The following AGMO variants were observed in gnomAD, a reference collection of about 807,000 sequenced individuals.
AGMO encodes the protein glyceryl-ether monooxygenase.
A neutral mutation model predicts 60.2 loss-of-function variants in AGMO; 75 were observed. The observed-to-expected ratio is 1.25, with a 90% confidence interval of 1.03 to 1.51. The LOEUF is 1.51. Among genes scored for constraint, AGMO ranks in the 40% most tolerant of loss-of-function variants. The pLI is 0.00. For synonymous variants in AGMO, 261 were observed against 177.1 expected, an observed-to-expected ratio of 1.47 and a Z score of -3.76; for missense variants, 763 against 525.5, an observed-to-expected ratio of 1.45 and a Z score of -4.42.
the AGMO span, among the ~76,000 whole-genome samples, chr7:15,156,672 C>A: frequency 2.0e-5 from 3 of 152,212 alleles, no homozygotes; most frequent in African/African-American, 7.2e-5. Context: ...AGGAACAAGT[C>A]TTCATGCTCG....
At chr7:15,380,988 G>A (rs1441348834) in intron 10 of AGMO, among the ~76,000 whole-genome samples, 1 of 152,072 alleles carries the variant, frequency 6.6e-6, no homozygotes, top group Non-Finnish European at 1.5e-5. Context: ...ATATGCAGAA[G>A]ATTCAAACTG....
intron 5 of AGMO, among the ~76,000 whole-genome samples, chr7:15,409,629 C>A (rs1784788182): frequency 6.6e-6 from 1 of 151,872 alleles, no homozygotes; most frequent in African/African-American, 2.4e-5. Context: ...TCATTCTTTA[C>A]AACCTGTAAA....
intron 12 of AGMO, among the ~76,000 whole-genome samples, chr7:15,241,092 T>C (rs1445355315): frequency 6.6e-6 from 1 of 151,924 alleles, no homozygotes; most frequent in African/African-American, 2.4e-5. Flanking sequence ...AGTCAGTTCC[T>C]ATCAGGAAAA....
intron 12 of AGMO, among the ~76,000 whole-genome samples, chr7:15,347,773 GTGT>G (rs1429890989): frequency 6.6e-6 from 1 of 151,994 alleles, no homozygotes; most frequent in Middle Eastern, 3.2e-3. Flanking sequence ...GTATAGACAA[GTGT>G]TGTATTTAGC....
intron 12 of AGMO, among the ~76,000 whole-genome samples, chr7:15,241,438 C>T (rs1045969940): frequency 1.2e-4 from 13 of 111,674 alleles, no homozygotes; most frequent in Admixed American, 1.4e-4. Context: ...CCAGCTTGGG[C>T]GAAAGAGTGA....
the AGMO span, among the ~76,000 whole-genome samples, chr7:15,170,996 G>C: frequency 6.6e-6 from 1 of 151,948 alleles, no homozygotes; most frequent in African/African-American, 2.4e-5. Context: ...TGTTTTTTTA[G>C]ATGGAGTCTC....
chr7:15,549,342 A>C (rs1784879641), intron 2 of AGMO, among the ~76,000 whole-genome samples: 1 of 151,912 alleles, frequency 6.6e-6, no homozygotes, highest in Non-Finnish European at 1.5e-5. Flanking sequence ...TAAATGGACT[A>C]AATGCTCCAG....
chr7:15,547,953 A>C (rs1183234716), intron 2 of AGMO, among the ~76,000 whole-genome samples: 3 of 151,748 alleles, frequency 2.0e-5, no homozygotes, highest in Admixed American at 6.6e-5. Context: ...TTCTCCCAGC[A>C]CGCAGCTGGA....
At chr7:15,193,084 A>C in the AGMO span, among the ~76,000 whole-genome samples, 1 of 152,196 alleles carries the variant, frequency 6.6e-6, no homozygotes, top group East Asian at 1.9e-4. Flanking sequence ...AAATAAAATT[A>C]TCCGTATTCT....
intron 12 of AGMO, among the ~76,000 whole-genome samples, chr7:15,274,395 G>A (rs532716496): frequency 5.3e-5 from 8 of 152,194 alleles, no homozygotes; most frequent in South Asian, 2.1e-4. Flanking sequence ...TTTGTCTTTC[G>A]TTCTGTTTAT....
At chr7:15,448,396 C>T (rs1781760840) in intron 3 of AGMO, among the ~76,000 whole-genome samples, 1 of 152,138 alleles carries the variant, frequency 6.6e-6, no homozygotes, top group Non-Finnish European at 1.5e-5. Flanking sequence ...CCTTACTAGA[C>T]ACCTAATCTG....
chr7:15,216,013 A>G (rs755019744), intron 12 of AGMO, among the ~76,000 whole-genome samples: 4 of 152,096 alleles, frequency 2.6e-5, no homozygotes, highest in African/African-American at 9.7e-5. Flanking sequence ...GTAACAAGCC[A>G]TCTGAATAAA....
intron 12 of AGMO, among the ~76,000 whole-genome samples, chr7:15,348,334 T>C (rs1406512702): frequency 6.6e-6 from 1 of 152,010 alleles, no homozygotes; most frequent in Admixed American, 6.6e-5. Flanking sequence ...AAAATGATCC[T>C]GGCCGGAGAT....
At position 15,515,604 on chromosome 7, in the gene AGMO, G is replaced by C. The variant is rs75331065; in HGVS notation, c.409+29168C>G. Among the ~76,000 whole-genome samples the C allele has an allele frequency of 7.8e-3, 1,184 of 152,304 alleles. 17 individuals are homozygous for C. Among genetic ancestry groups the C allele is most frequent in the African/African-American group, 0.027 (1,125 of 41,556 alleles). On this transcript the variant is annotated intron_variant, in intron 3 of 12. Transcript: ENST00000342526. ...GTATATGAATGCATATTTAAATGAA[G>C]GCAATATCTGTCTCCAACTAGAACA...
chr7:15,367,291 A>G (rs189480064), intron 10 of AGMO, among the ~76,000 whole-genome samples: 16 of 152,044 alleles, frequency 1.1e-4, no homozygotes, highest in Non-Finnish European at 2.2e-4. Context: ...GTAACAAAAC[A>G]TTTTTGTCAG....
At chr7:15,399,221 A>C (rs1310344565) in intron 5 of AGMO, among the ~76,000 whole-genome samples, 3 of 152,200 alleles carry the variant, frequency 2.0e-5, no homozygotes, top group African/African-American at 4.8e-5. Flanking sequence ...GAAGGGGTTC[A>C]GAAAGTCAGG....
chr7:15,232,826 C>CACACACAA (rs930600939), intron 12 of AGMO, among the ~76,000 whole-genome samples: 24 of 148,292 alleles, frequency 1.6e-4, no homozygotes, highest in South Asian at 4.2e-4. Flanking sequence ...CACACACACA[C>CACACACAA]AAAAACTAAA....
At chr7:15,182,427 TTTTA>T in the AGMO span, among the ~76,000 whole-genome samples, 1 of 152,200 alleles carries the variant, frequency 6.6e-6, no homozygotes, top group African/African-American at 2.4e-5. Context: ...TTATTTATTA[TTTTA>T]TTTGAGACAG....
intron 12 of AGMO, among the ~76,000 whole-genome samples, chr7:15,236,770 A>G (rs531884314): frequency 7.2e-5 from 11 of 152,140 alleles, no homozygotes; most frequent in Admixed American, 3.3e-4. Context: ...AAACCACAAG[A>G]ACAAAAAAAA....
Sources: allele counts gnomAD v4.1 joint callset (sites outside exome capture counted in the v4.1 genomes callset), GRCh38; gene constraint gnomAD v4.1.1; transcripts MANE v1.5; gene names NCBI Gene and HGNC (gene_info 2026-07-23, HGNC 2026-07-21).